The following GABRA3 variants were observed in gnomAD, a reference collection of about 807,000 sequenced individuals.
GABRA3 encodes the protein gamma-aminobutyric acid receptor subunit alpha-3.
In GABRA3, 10 loss-of-function variants were observed where a neutral mutation model predicts 30.1. The observed-to-expected ratio is 0.33, with a 90% CI of 0.20 to 0.56. GABRA3 has a LOEUF of 0.56. Among genes scored for constraint, GABRA3 ranks in the 20% least tolerant of loss-of-function variants. The probability of loss-of-function intolerance (pLI) is 0.89; values close to 1 mark genes in which losing one functional copy is unlikely to be tolerated. For synonymous variants in GABRA3, 151 were observed against 146.8 expected, an observed-to-expected ratio of 1.03 and a Z score of -0.21; for missense variants, 233 against 392.0, an observed-to-expected ratio of 0.59 and a Z score of 3.42.
rs749783755 is a variant in GABRA3, at chrX:152,241,029, T to C, written c.551+14749A>G. Among the ~76,000 whole-genome samples, 58 of 109,334 alleles carry C rather than the reference T, an allele frequency of 5.3e-4. 1 individual carries two copies. The highest frequency in any genetic ancestry group is 6.1e-4 in the Non-Finnish European group (32 of 52,543). The allele number at this position is 109,334 out of a possible 115,157, so 94.9% of individuals were successfully genotyped here. ...CATTCTCCATCCAGCTTTGTTCCGTTGCTGGTGAGGAACTGCGTTCCTTTG... is the reference window on the plus strand; with the variant it reads ...CATTCTCCATCCAGCTTTGTTCCGTCGCTGGTGAGGAACTGCGTTCCTTTG... On this transcript the variant is annotated intron_variant, in intron 5 of 9. Coordinates refer to ENST00000370314, the MANE Select transcript of GABRA3 (RefSeq NM_000808.4).
At chrX:152,182,328 C>G (rs1186561317) in intron 9 of GABRA3, among the ~76,000 whole-genome samples, 1 of 100,327 alleles carries the variant, frequency 1.0e-5, no homozygotes, top group Non-Finnish European at 2.0e-5. Flanking sequence ...CACACACACA[C>G]ACACACACAG....
chrX:152,383,388 C>CAAAAAAAAAAAAAAAAAAAAAAAAAAA (rs34736587), intron 1 of GABRA3, among the ~76,000 whole-genome samples: 2 of 35,461 alleles, frequency 5.6e-5, no homozygotes, highest in Non-Finnish European at 9.6e-5. Context: ...GACTCCATCT[C>CAAAAAAAAAAAAAAAAAAAAAAAAAAA]AAAAAAAAAA....
intron 8 of GABRA3, among the ~76,000 whole-genome samples, chrX:152,190,925 C>T (rs1407236275): frequency 9.3e-6 from 1 of 108,044 alleles, no homozygotes; most frequent in East Asian, 2.9e-4. Context: ...GCTTTAGAGT[C>T]AGAATGAACT....
At chrX:152,367,651 C>T (rs191373399) in intron 1 of GABRA3, among the ~76,000 whole-genome samples, 2 of 111,214 alleles carry the variant, frequency 1.8e-5, no homozygotes, top group Non-Finnish European at 3.8e-5. Flanking sequence ...AAAACTTAAA[C>T]CCAGGTTAGG....
intron 1 of GABRA3, among the ~76,000 whole-genome samples, chrX:152,381,205 C>A (rs949389660): frequency 8.9e-6 from 1 of 112,066 alleles, no homozygotes; most frequent in African/African-American, 3.2e-5. Flanking sequence ...AAATAAACTT[C>A]TTTTCTTTAT....
intron 9 of GABRA3, among the ~76,000 whole-genome samples, chrX:152,175,505 G>T (rs748962597): frequency 9.0e-6 from 1 of 111,637 alleles, no homozygotes; most frequent in Admixed American, 9.5e-5. Context: ...ATCCCAGTTG[G>T]GGGGACATGT....
chrX:152,298,372 C>T (rs1490204614), intron 3 of GABRA3, among the ~76,000 whole-genome samples: 2 of 105,487 alleles, frequency 1.9e-5, no homozygotes, highest in Non-Finnish European at 3.9e-5. Context: ...TATCCCTCCC[C>T]CCTTCCCCCA....
chrX:152,233,133 G>A (rs1483022978), intron 5 of GABRA3, among the ~76,000 whole-genome samples: 1 of 108,575 alleles, frequency 9.2e-6, no homozygotes, highest in African/African-American at 3.4e-5. Flanking sequence ...TTTGAAAAAT[G>A]TCGGTTCATG....
intron 2 of GABRA3, among the ~76,000 whole-genome samples, chrX:152,358,708 G>A (rs748284322): frequency 5.4e-5 from 6 of 111,296 alleles, no homozygotes; most frequent in Non-Finnish European, 9.4e-5. Context: ...TTATTTTGAA[G>A]TATGTTCCTT....
intron 9 of GABRA3, among the ~76,000 whole-genome samples, chrX:152,172,590 A>G (rs1603195535): frequency 8.9e-6 from 1 of 111,958 alleles, no homozygotes; most frequent in Non-Finnish European, 1.9e-5. Flanking sequence ...ATATACACAC[A>G]ATGAATTCAT....
chrX:152,295,015 C>T (rs1301298265), intron 3 of GABRA3, among the ~76,000 whole-genome samples: 1 of 111,363 alleles, frequency 9.0e-6, no homozygotes, highest in Non-Finnish European at 1.9e-5. Flanking sequence ...GGCTGCAGAA[C>T]AGCAAATATT....
intron 5 of GABRA3, among the ~76,000 whole-genome samples, chrX:152,241,699 G>A (rs1387197692): frequency 9.2e-6 from 1 of 109,197 alleles, no homozygotes; most frequent in Non-Finnish European, 1.9e-5. Flanking sequence ...GTGGGATATA[G>A]TCTCGTGGTG....
chrX:152,206,364 G>A, intron 7 of GABRA3, among the ~76,000 whole-genome samples: 1 of 111,952 alleles, frequency 8.9e-6, no homozygotes, highest in African/African-American at 3.2e-5. Context: ...CTTGAAGCAG[G>A]AGGCCGGCTT....
chrX:152,264,255 C>A (rs1346475202), intron 4 of GABRA3, among the ~76,000 whole-genome samples: 1 of 111,428 alleles, frequency 9.0e-6, no homozygotes, highest in Non-Finnish European at 1.9e-5. Context: ...ATGTACTAAT[C>A]AAAAATAATA....
chrX:152,227,552 T>C (rs1276347066), intron 5 of GABRA3, among the ~76,000 whole-genome samples: 2 of 106,036 alleles, frequency 1.9e-5, no homozygotes, highest in African/African-American at 6.8e-5. Context: ...TATATATATA[T>C]ATTAAAAAAA....
chrX:152,327,756 T>A (rs992195323), intron 3 of GABRA3, among the ~76,000 whole-genome samples: 1 of 111,283 alleles, frequency 9.0e-6, no homozygotes, highest in African/African-American at 3.3e-5. Context: ...GCAGGAAAGA[T>A]CTAAAATTGA....
chrX:152,398,511 G>A lies in GABRA3; in HGVS notation c.-26-33915C>T. On this transcript the variant is annotated intron_variant, in intron 1 of 9. Transcript: ENST00000370314. ...GTTCTAAACTAGCTATGATCTCTTT[G>A]TTACTGCCACCCATCTAACAACCTG... Among the ~76,000 whole-genome samples the A allele has an allele frequency of 1.8e-5, 2 of 111,203 alleles. 1 individual carries two copies. The highest frequency in any genetic ancestry group is 7.6e-4 in the South Asian group (2 of 2,639).
intron 1 of GABRA3, among the ~76,000 whole-genome samples, chrX:152,415,402 T>C (rs1603256955): frequency 9.0e-6 from 1 of 111,401 alleles, no homozygotes; most frequent in Non-Finnish European, 1.9e-5. Flanking sequence ...TGTAATATTA[T>C]CAAACTGACA....
At chrX:152,311,203 T>C (rs770098833) in intron 3 of GABRA3, among the ~76,000 whole-genome samples, 17 of 111,677 alleles carry the variant, frequency 1.5e-4, no homozygotes, top group Non-Finnish European at 2.6e-4. Context: ...CTCTAACTCA[T>C]TCTATGAAGC....
Sources: gnomAD v4.1 joint callset for allele counts (sites outside exome capture counted in the v4.1 genomes callset) on GRCh38, gnomAD v4.1.1 for gene constraint, MANE v1.5 for transcripts, NCBI Gene and HGNC (gene_info 2026-07-23, HGNC 2026-07-21) for gene names.